Variants in TNNT3 observed in about 807,000 individuals in gnomAD.
The protein encoded by TNNT3 is troponin T3, fast skeletal type.
In TNNT3, 36 loss-of-function variants were observed where a neutral mutation model predicts 54.2. The observed-to-expected ratio is 0.66, with a 90% CI of 0.51 to 0.88. The LOEUF (loss-of-function observed/expected upper bound fraction) is 0.88, where lower values mean the gene tolerates loss of function less well. Ranked by LOEUF, TNNT3 falls within the 40% of genes least tolerant of loss-of-function variation. The probability of loss-of-function intolerance (pLI) is 0.00; values close to 1 mark genes in which losing one functional copy is unlikely to be tolerated. For synonymous variants in TNNT3, 120 were observed against 109.7 expected, an observed-to-expected ratio of 1.09 and a Z score of -0.59; for missense variants, 291 against 331.6, an observed-to-expected ratio of 0.88 and a Z score of 0.95.
At chr11:1,938,039 C>G (rs1855669951) in intron 15 of TNNT3, among the ~76,000 whole-genome samples, 2 of 152,222 alleles carry the variant, frequency 1.3e-5, no homozygotes, top group South Asian at 4.1e-4. Context: ...AGACCTCAGA[C>G]AAATGGGGCA....
At position 1,929,225 on chromosome 11, in the gene TNNT3, C is replaced by G. The variant is rs965279386; in HGVS notation, c.106+82C>G. 3.3e-6 allele frequency: 5 copies of G among 1,496,258 alleles called. No homozygotes were observed. In the Admixed American group the frequency reaches 6.7e-5, roughly 20 times the overall value. 92.7% of individuals were successfully genotyped at this position (1,496,258 alleles called of 1,614,324 possible). A position where few individuals can be genotyped will look rare whatever the true frequency, so the allele number is the denominator to read the frequency against. On this transcript the variant is annotated intron_variant, in intron 7 of 15. Coordinates refer to ENST00000278317, the MANE Select transcript of TNNT3 (RefSeq NM_006757.4). Reference sequence around the variant, plus strand: ...GGAAAGAGGACAGGCTGGGGTCTCTCGCTGCCCTGCCTCCTCCTCCCTCTG... The same window carrying G: ...GGAAAGAGGACAGGCTGGGGTCTCTGGCTGCCCTGCCTCCTCCTCCCTCTG...
At chr11:1,937,930 G>A (rs1020718828) in intron 15 of TNNT3, among the ~76,000 whole-genome samples, 8 of 152,158 alleles carry the variant, frequency 5.3e-5, no homozygotes, top group Admixed American at 4.6e-4. Context: ...GAGCAGCCGC[G>A]TCTGAATGGG....
chr11:1,934,863 C>G lies in TNNT3; in HGVS notation c.625C>G (p.Gln209Glu). The G allele has an allele frequency of 1.9e-6, 3 of 1,613,660 alleles. No individual in the cohort carries two copies. The highest frequency in any genetic ancestry group is 2.5e-6 in the Non-Finnish European group (3 of 1,180,036). Residue 209 changes from glutamine (Q) to glutamate (E), a missense_variant, in exon 14 of 16, where the codon CAG (glutamine) becomes GAG (glutamate). Transcript: ENST00000278317. ...CAAGGAGCTCTGGGAGACCCTGCAC[C>G]AGCTGGAGATTGACAAGTTCGAGTT... ...KAKELWETLH[Q>E]LEIDKFEFGE... is the part of the protein sequence containing the mutation.
rs778613532 is a variant in TNNT3 at position 1,934,630 on chromosome 11, G to T, written c.565G>T (p.Asp189Tyr). The T allele has an allele frequency of 3.1e-6, 5 of 1,609,134 alleles. No homozygotes were observed. The highest frequency in any genetic ancestry group is 4.2e-6 in the Non-Finnish European group (5 of 1,178,234). The change falls in exon 13 of 16, where the codon GAT (aspartate) becomes TAT (tyrosine). Residue 189 changes from aspartate to tyrosine, a missense_variant. Asp to Tyr is a radical substitution (Grantham distance 160, BLOSUM62 -3). Coordinates refer to ENST00000278317, the MANE Select transcript of TNNT3 (RefSeq NM_006757.4). ...TGAGAGACGCAAGCCGCTCAACATCGATCACCTTGGTGAAGACAAACTGAG... is the reference window on the plus strand; with the variant it reads ...TGAGAGACGCAAGCCGCTCAACATCTATCACCTTGGTGAAGACAAACTGAG... ...LAERRKPLNI[D>Y]HLGEDKLRDK...
At chr11:1,934,095 G>T in intron 11 of TNNT3, 87 bp downstream of exon 11, 1 of 1,422,994 alleles carries the variant, frequency 7.0e-7, no homozygotes, top group East Asian at 2.4e-5. Flanking sequence ...TCCTTCTCCC[G>T]GGGTTCCCAT....
At chr11:1,925,200 A>G in intron 5 of TNNT3, 84 bp downstream of exon 5, 1 of 1,598,070 alleles carries the variant, frequency 6.3e-7, no homozygotes, top group Non-Finnish European at 8.5e-7. Flanking sequence ...CCCCGCCTCT[A>G]AGGATTGCTG....
chr11:1,935,491 G>A, intron 14 of TNNT3: 1 of 181,034 alleles, frequency 5.5e-6, no homozygotes, highest in Non-Finnish European at 1.2e-5. Flanking sequence ...TCCCATGCAG[G>A]CACTATCACC....
At chr11:1,930,062 G>A (rs1329280880) in intron 8 of TNNT3, among the ~76,000 whole-genome samples, 1 of 152,202 alleles carries the variant, frequency 6.6e-6, no homozygotes, top group African/African-American at 2.4e-5. Flanking sequence ...AGAGCGCAGG[G>A]TGGGAGGGAT....
chr11:1,938,521 G>A lies in TNNT3; in HGVS notation c.*29G>A. The A allele has an allele frequency of 6.2e-7, 1 of 1,611,622 alleles. No individual in the cohort carries two copies. Among genetic ancestry groups the A allele is most frequent in the Non-Finnish European group, 8.5e-7 (1 of 1,178,876 alleles). On this transcript the variant is annotated 3_prime_UTR_variant, in exon 16 of 16. Coordinates refer to ENST00000278317, the MANE Select transcript of TNNT3 (RefSeq NM_006757.4). The stretch of plus-strand genomic sequence containing the variant: ...GGCCAGAAAGGCCCCTCGAGGCAGA[G>A]ACCCTCCGCCCTCTTGCACACCAGG...
intron 1 of TNNT3, among the ~76,000 whole-genome samples, chr11:1,920,192 T>C (rs1482771936): frequency 1.3e-5 from 2 of 152,182 alleles, no homozygotes; most frequent in Non-Finnish European, 2.9e-5. Flanking sequence ...CCCAGGCCCG[T>C]CCTGGCCTTG....
chr11:1,936,345 AG>A, intron 14 of TNNT3: 1 of 1,453,240 alleles, frequency 6.9e-7, no homozygotes, highest in Non-Finnish European at 9.6e-7. Flanking sequence ...TGGATCGCTC[AG>A]GATGCTGGCG....
chr11:1,925,727 C>T (rs1041185283), intron 5 of TNNT3, among the ~76,000 whole-genome samples: 1 of 152,042 alleles, frequency 6.6e-6, no homozygotes, highest in African/African-American at 2.4e-5. Context: ...CAGAACCCTG[C>T]AGCCTGGCAC....
intron 5 of TNNT3, chr11:1,925,410 C>A: frequency 1.0e-6 from 1 of 994,204 alleles, no homozygotes; most frequent in Non-Finnish European, 1.5e-6. Flanking sequence ...CCACATGTGG[C>A]CCTAATGTAA....
intron 8 of TNNT3, among the ~76,000 whole-genome samples, chr11:1,931,658 A>G (rs1404986862): frequency 6.7e-6 from 1 of 149,564 alleles, no homozygotes; most frequent in Non-Finnish European, 1.5e-5. Flanking sequence ...ATAAGGATAT[A>G]AGTCTTCTCT....
chr11:1,934,696 C>T, intron 13 of TNNT3, 41 bp downstream of exon 13: 1 of 1,606,898 alleles, frequency 6.2e-7, no homozygotes, highest in Non-Finnish European at 8.5e-7. Context: ...CACGGGGTGG[C>T]CCCTGCAGGA....
chr11:1,933,672 A>T (rs769692909), intron 9 of TNNT3, 49 bp from the exon 10 acceptor site: 4 of 1,471,568 alleles, frequency 2.7e-6, no homozygotes, highest in Non-Finnish European at 3.8e-6. Context: ...CAGGCAGGGC[A>T]GAGGTTGGAG....
chr11:1,925,630 C>T lies in TNNT3; in HGVS notation c.67+514C>T, dbSNP rs932838215. On this transcript the variant is annotated intron_variant, in intron 5 of 15. Transcript: ENST00000278317. ...ACCCCAGGGTAGGCAGTCCAGAGCC[C>T]GTGGTGGCGTCGACCCCTGGGCCTG... is the stretch of plus-strand genomic sequence containing the variant. 4.6e-5 allele frequency among the ~76,000 whole-genome samples: 7 copies of T among 152,088 alleles called. No homozygotes were observed. The South Asian group carries it at 8.3e-4, about 18-fold the overall frequency.
chr11:1,924,382 C>G (rs1850930703), intron 4 of TNNT3, among the ~76,000 whole-genome samples: 1 of 152,204 alleles, frequency 6.6e-6, no homozygotes, highest in Non-Finnish European at 1.5e-5. Context: ...GACGGCGCTG[C>G]CCTGGAATCC....
At chr11:1,922,071 G>C (rs979566209) in intron 1 of TNNT3, among the ~76,000 whole-genome samples, 5 of 152,210 alleles carry the variant, frequency 3.3e-5, no homozygotes, top group African/African-American at 7.2e-5. Context: ...GTGGGCTCCT[G>C]CAGTCCAAGT....
Sources: allele counts gnomAD v4.1 joint callset (sites outside exome capture counted in the v4.1 genomes callset), GRCh38; gene constraint gnomAD v4.1.1; transcripts MANE v1.5; gene names NCBI Gene and HGNC (gene_info 2026-07-23, HGNC 2026-07-21).